Variants in KAT6A observed in about 807,000 individuals in gnomAD.
KAT6A encodes the protein histone acetyltransferase KAT6A.
KAT6A carries 9 observed loss-of-function variants against 198.4 expected under a neutral mutation model. The observed-to-expected ratio is 0.05, with a 90% CI of 0.03 to 0.08. The LOEUF (loss-of-function observed/expected upper bound fraction) is 0.08, where lower values mean the gene tolerates loss of function less well. KAT6A is among the 10% of genes least tolerant of loss of function. The pLI is 1.00. For missense variants in KAT6A, 2,077 were observed against 2,509.9 expected (o/e 0.83, Z 3.69); for synonymous variants, 890 against 883.0 (o/e 1.01, Z -0.14).
At chr8:41,943,640 A>G (rs1344214284) in intron 13 of KAT6A, 108 bp downstream of exon 13, 18 of 682,966 alleles carry the variant, frequency 2.6e-5, no homozygotes, top group East Asian at 1.8e-4. Flanking sequence ...ATCACCAAGT[A>G]TATCATTTAT....
Position 41,934,035 on chromosome 8 carries a change from G to A in KAT6A, c.4185C>T (p.Asp1395=), listed in dbSNP as rs766981785. 1 of 1,613,986 alleles carries A rather than the reference G, an allele frequency of 6.2e-7. No individual in the cohort carries two copies. Among genetic ancestry groups the A allele is most frequent in the Admixed American group, 1.7e-5 (1 of 60,012 alleles). Residue 1395 remains aspartate, a synonymous_variant, in exon 17 of 17, where the codon GAC becomes GAT. Coordinates refer to ENST00000265713, the MANE Select transcript of KAT6A (RefSeq NM_006766.5). The part of the protein sequence containing the change: ...VSEQMAGSED[D]HEEDSHTKEE... The stretch of plus-strand genomic sequence containing the variant: ...CCTTAGTGTGGGAGTCTTCTTCGTG[G>A]TCGTCCTCAGACCCAGCCATCTGCT...
At chr8:41,956,564 T>C (rs950012599) in intron 8 of KAT6A, among the ~76,000 whole-genome samples, 2 of 152,214 alleles carry the variant, frequency 1.3e-5, no homozygotes, top group African/African-American at 4.8e-5. Context: ...CTCTTCACCA[T>C]AACTCATTAG....
intron 2 of KAT6A, among the ~76,000 whole-genome samples, chr8:42,009,759 G>A (rs904954035): frequency 2.6e-5 from 4 of 151,132 alleles, no homozygotes; most frequent in African/African-American, 9.7e-5. Context: ...TATTAGCTGG[G>A]CATGGTGACA....
At chr8:41,955,612 T>C (rs942940512) in intron 8 of KAT6A, among the ~76,000 whole-genome samples, 1 of 152,208 alleles carries the variant, frequency 6.6e-6, no homozygotes, top group Non-Finnish European at 1.5e-5. Context: ...AAAATGCTAA[T>C]AAATCTCTTA....
At chr8:41,984,688 C>T (rs759260901) in intron 3 of KAT6A, among the ~76,000 whole-genome samples, 1 of 152,118 alleles carries the variant, frequency 6.6e-6, no homozygotes, top group Non-Finnish European at 1.5e-5. Context: ...TAAAAGTTAC[C>T]GCTACAGGGG....
intron 1 of KAT6A, among the ~76,000 whole-genome samples, chr8:42,051,203 C>G (rs1357567192): frequency 6.6e-6 from 1 of 152,016 alleles, no homozygotes; most frequent in African/African-American, 2.4e-5. Flanking sequence ...TGCTGGGAGC[C>G]TGACAGTCGC....
intron 16 of KAT6A, among the ~76,000 whole-genome samples, chr8:41,935,554 C>T (rs1821805954): frequency 1.3e-5 from 2 of 152,050 alleles, no homozygotes; most frequent in Non-Finnish European, 2.9e-5. Context: ...ATATTATTAG[C>T]ATTTTAAAAA....
chr8:41,965,127 G>A (rs1346171704), intron 8 of KAT6A, among the ~76,000 whole-genome samples: 1 of 152,138 alleles, frequency 6.6e-6, no homozygotes, highest in African/African-American at 2.4e-5. Flanking sequence ...GGCAGTCCTT[G>A]TTTTTGATGG....
chr8:42,040,532 G>A (rs866415005), intron 2 of KAT6A, among the ~76,000 whole-genome samples: 10 of 151,456 alleles, frequency 6.6e-5, no homozygotes, highest in Middle Eastern at 3.4e-3. Flanking sequence ...TCAGGAGTTC[G>A]AGACCAGCCT....
chr8:42,044,914 C>T (rs1246214891), intron 2 of KAT6A, among the ~76,000 whole-genome samples: 2 of 152,154 alleles, frequency 1.3e-5, no homozygotes, highest in African/African-American at 4.8e-5. Context: ...CATCTAGGTT[C>T]GTAACAGCAA....
At chr8:42,005,009 A>G (rs555579843) in intron 2 of KAT6A, among the ~76,000 whole-genome samples, 1 of 151,836 alleles carries the variant, frequency 6.6e-6, no homozygotes, top group Non-Finnish European at 1.5e-5. Flanking sequence ...TCTTTTGCTT[A>G]GCAGATTACA....
chr8:41,936,169 C>T (rs1025254302), intron 16 of KAT6A, among the ~76,000 whole-genome samples: 1 of 151,994 alleles, frequency 6.6e-6, no homozygotes, highest in Non-Finnish European at 1.5e-5. Context: ...TGCTGAGGCA[C>T]GAGAATCGCT....
chr8:42,050,321 A>G (rs1055631479), intron 1 of KAT6A, among the ~76,000 whole-genome samples: 4 of 152,250 alleles, frequency 2.6e-5, no homozygotes, highest in Non-Finnish European at 5.9e-5. Context: ...AATCTTGTTT[A>G]ATCACTAAAG....
chr8:42,012,388 T>C (rs57721984), intron 2 of KAT6A, among the ~76,000 whole-genome samples: 15,735 of 152,128 alleles, frequency 0.1, 1,054 homozygotes, highest in East Asian at 0.24. Context: ...AATTAAGAAT[T>C]TTGAGATGGG....
chr8:41,997,106 T>C (rs561124423), intron 2 of KAT6A, among the ~76,000 whole-genome samples: 8 of 152,290 alleles, frequency 5.3e-5, no homozygotes, highest in South Asian at 2.1e-4. Flanking sequence ...GGAAAAGAAA[T>C]TGATGGTATC....
chr8:41,987,538 C>G lies in KAT6A; in HGVS notation c.626G>C (p.Cys209Ser). The G allele has an allele frequency of 6.2e-7, 1 of 1,612,948 alleles. No homozygotes were observed. ...TTCTTTTGTACCAAGACAGAAACTA[C>G]AGATGGGGATTGGTTCAGCAACCGG... ...DKPVAEPIPI[C>S]SFCLGTKEQN... The change falls in exon 3 of 17, where the codon TGT becomes TCT. Residue 209 changes from cysteine to serine, a missense_variant. This residue lies in a region of KAT6A where 185 missense variants were observed against 185.7 expected (regional missense o/e 1.00). Transcript: ENST00000265713.
rs1554682547 is a variant in KAT6A at position 41,946,529 on chromosome 8, C to CACACACAT, written c.1996+61_1996+62insATGTGTGT. 3,920 of 681,450 alleles carry CACACACAT rather than the reference C, an allele frequency of 5.8e-3. 116 individuals carry two copies. Among genetic ancestry groups the CACACACAT allele is most frequent in the East Asian group, 0.03 (958 of 32,386 alleles). The allele number at this position is 681,450 out of a possible 1,614,324, so 42.2% of individuals were successfully genotyped here. On this transcript the variant is annotated intron_variant, in intron 12 of 16. Coordinates refer to ENST00000265713, the MANE Select transcript of KAT6A (RefSeq NM_006766.5). ...ACACACACACACACACACACACACA[C>CACACACAT]ACACACACACACAGAGAAGGTCCAC...
rs1822211297 is a variant in KAT6A, at chr8:41,942,946, C to T, written c.2283G>A (p.Gln761=). 4.3e-6 allele frequency: 7 copies of T among 1,614,048 alleles called. No individual in the cohort carries two copies. The highest frequency in any genetic ancestry group is 5.9e-6 in the Non-Finnish European group (7 of 1,180,044). Residue 761 remains glutamine (Q), a synonymous_variant, in exon 14 of 17, where the codon CAG becomes CAA. Coordinates refer to ENST00000265713, the MANE Select transcript of KAT6A (RefSeq NM_006766.5). Reference sequence around the variant, plus strand: ...CTACATCTACAGGTCGCAAATTCAGCTGAAGCTTTGCCATGTGATCCTGGA... The same window carrying T: ...CTACATCTACAGGTCGCAAATTCAGTTGAAGCTTTGCCATGTGATCCTGGA... ...KLIQDHMAKL[Q]LNLRPVDVDP... is the part of the protein sequence containing the mutation.
chr8:41,957,274 T>A lies in KAT6A; in HGVS notation c.1483-1863A>T, dbSNP rs1219506774. 1.1e-5 allele frequency: 6 copies of A among 564,358 alleles called. No homozygotes were observed. In the Admixed American group the frequency reaches 1.1e-4, roughly 11 times the overall value. 35.0% of individuals were successfully genotyped at this position (564,358 alleles called of 1,614,324 possible). On this transcript the variant is annotated intron_variant, in intron 8 of 16. Coordinates refer to ENST00000265713, the MANE Select transcript of KAT6A (RefSeq NM_006766.5). ...ACGTTCCTGCACATGCGCTCATGTG[T>A]GAGCCCGCCTCCACTCCCAGCTCCC...
Sources: gnomAD v4.1 joint callset for allele counts (sites outside exome capture counted in the v4.1 genomes callset) on GRCh38, gnomAD v4.1.1 for gene constraint, gnomAD v4.1.1 regional missense constraint, MANE v1.5 for transcripts, NCBI Gene and HGNC (gene_info 2026-07-23, HGNC 2026-07-21) for gene names.